The following PKIB variants were observed in gnomAD, a reference collection of about 807,000 sequenced individuals.
The protein encoded by PKIB is cAMP-dependent protein kinase inhibitor beta.
PKIB carries 2 observed loss-of-function variants against 4.5 expected under a neutral mutation model. The observed-to-expected ratio is 0.44, with a 90% CI of 0.18 to 1.39. The LOEUF is 1.39. Among genes scored for constraint, PKIB ranks in the 40% most tolerant of loss-of-function variants. The probability of loss-of-function intolerance (pLI) is 0.27; values close to 1 mark genes in which losing one functional copy is unlikely to be tolerated. For synonymous variants in PKIB, 38 were observed against 36.0 expected, an observed-to-expected ratio of 1.06 and a Z score of -0.20; for missense variants, 94 against 92.6, an observed-to-expected ratio of 1.02 and a Z score of -0.06.
upstream of PKIB, among the ~76,000 whole-genome samples, chr6:122,608,226 T>C (rs1465638225): frequency 6.6e-6 from 1 of 152,228 alleles, no homozygotes; most frequent in African/African-American, 2.4e-5. Context: ...TCCTCACTTA[T>C]TTTCCTATTT....
chr6:122,717,825 G>A lies in PKIB; in HGVS notation c.31G>A (p.Val11Met), dbSNP rs749486807. Reference sequence around the variant, plus strand: ...GACAGATTCATCAAAAATGACTGACGTGGAGTCTGGGGTCGCCAATTTTGC... The same window carrying A: ...GACAGATTCATCAAAAATGACTGACATGGAGTCTGGGGTCGCCAATTTTGC... MRTDSSKMTD[V>M]ESGVANFASS... The change falls in exon 4 of 5, where the codon GTG (valine) becomes ATG (methionine). Residue 11 changes from valine to methionine, a missense_variant. By Grantham distance (21) the Val-to-Met change is conservative. Transcript: ENST00000368452. 4.3e-6 allele frequency: 7 copies of A among 1,613,922 alleles called. No homozygotes were observed. Among genetic ancestry groups the A allele is most frequent in the African/African-American group, 4.0e-5 (3 of 74,910 alleles).
At chr6:122,500,025 AAC>A (rs1289377416) in intron 2 of PKIB, among the ~76,000 whole-genome samples, 18 of 152,330 alleles carry the variant, frequency 1.2e-4, no homozygotes, top group African/African-American at 4.3e-4. Context: ...AAAACTATGA[AAC>A]ACTGCTGAAA....
At chr6:122,574,252 G>A (rs1408580276) in intron 2 of PKIB, among the ~76,000 whole-genome samples, 1 of 152,088 alleles carries the variant, frequency 6.6e-6, no homozygotes, top group Non-Finnish European at 1.5e-5. Context: ...ACTGCTGAAG[G>A]AAATCATAGA....
chr6:122,517,506 T>G (rs542708798), intron 2 of PKIB, among the ~76,000 whole-genome samples: 2 of 152,288 alleles, frequency 1.3e-5, no homozygotes, highest in South Asian at 4.1e-4. Flanking sequence ...GGGAAAATAT[T>G]TTAGACTGCT....
intron 3 of PKIB, among the ~76,000 whole-genome samples, chr6:122,689,450 A>G (rs761631574): frequency 1.3e-5 from 2 of 151,872 alleles, no homozygotes; most frequent in Non-Finnish European, 2.9e-5. Context: ...AGGTTTTGGT[A>G]TGTTGTGTTT....
intron 2 of PKIB, among the ~76,000 whole-genome samples, chr6:122,661,824 A>C (rs2114914973): frequency 6.6e-6 from 1 of 152,288 alleles, no homozygotes; most frequent in South Asian, 2.1e-4. Flanking sequence ...GCAGTGACGA[A>C]GCCTTCCATT....
chr6:122,680,155 A>G (rs11154104), intron 3 of PKIB, among the ~76,000 whole-genome samples: 22,362 of 152,246 alleles, frequency 0.15, 2,264 homozygotes, highest in South Asian at 0.34. Context: ...ATTGGAGAAA[A>G]GGCATACAAA....
intron 2 of PKIB, among the ~76,000 whole-genome samples, chr6:122,580,235 G>T (rs893961345): frequency 6.6e-6 from 1 of 152,044 alleles, no homozygotes; most frequent in Non-Finnish European, 1.5e-5. Flanking sequence ...AATGTTTCAC[G>T]TGGAGTCTAA....
At chr6:122,491,028 GA>G (rs1249249377) in intron 2 of PKIB, among the ~76,000 whole-genome samples, 6 of 152,158 alleles carry the variant, frequency 3.9e-5, no homozygotes, top group African/African-American at 1.4e-4. Flanking sequence ...TAAAGGAGAA[GA>G]AGAGACTGAG....
chr6:122,566,186 A>G (rs1773185828), intron 2 of PKIB, among the ~76,000 whole-genome samples: 1 of 152,152 alleles, frequency 6.6e-6, no homozygotes, highest in Non-Finnish European at 1.5e-5. Flanking sequence ...GGGATGAGGA[A>G]AAGAAATAAA....
chr6:122,556,857 C>T (rs1772858026), intron 2 of PKIB, among the ~76,000 whole-genome samples: 1 of 152,180 alleles, frequency 6.6e-6, no homozygotes, highest in Non-Finnish European at 1.5e-5. Flanking sequence ...AAGTGTTTTG[C>T]ACCAAGCCAA....
At chr6:122,649,513 G>A (rs1776464255) in intron 2 of PKIB, among the ~76,000 whole-genome samples, 1 of 152,184 alleles carries the variant, frequency 6.6e-6, no homozygotes, top group South Asian at 2.1e-4. Context: ...CTGACTGGTA[G>A]AGAGAAGATA....
intron 2 of PKIB, among the ~76,000 whole-genome samples, chr6:122,541,361 C>G (rs1485893630): frequency 2.0e-5 from 3 of 151,764 alleles, no homozygotes; most frequent in African/African-American, 4.9e-5. Context: ...TTCAGGAGCT[C>G]TTTTAGGGCA....
intron 3 of PKIB, among the ~76,000 whole-genome samples, chr6:122,700,722 G>T (rs540044375): frequency 6.6e-6 from 1 of 152,138 alleles, no homozygotes; most frequent in Non-Finnish European, 1.5e-5. Flanking sequence ...TGAGTTTTTA[G>T]CTAGGTGAAA....
chr6:122,713,686 G>T (rs747245941), intron 3 of PKIB, among the ~76,000 whole-genome samples: 8 of 152,134 alleles, frequency 5.3e-5, no homozygotes, highest in Non-Finnish European at 1.2e-4. Flanking sequence ...TTCTGTGCTA[G>T]AATATCTGTT....
intron 2 of PKIB, among the ~76,000 whole-genome samples, chr6:122,568,600 T>C (rs1773262174): frequency 6.6e-6 from 1 of 152,200 alleles, no homozygotes; most frequent in Non-Finnish European, 1.5e-5. Flanking sequence ...AGAAAGCCAT[T>C]ACTGACTATA....
chr6:122,689,863 C>T lies in PKIB; in HGVS notation c.-9+14719C>T, dbSNP rs1404088936. The stretch of plus-strand genomic sequence containing the variant: ...GCTGCAAGTGGGATGTTGAAGTCTC[C>T]AGCTATTATTATGTTGGGAGTCTAT... On this transcript the variant is annotated intron_variant, in intron 3 of 4. Coordinates refer to ENST00000368452, the MANE Select transcript of PKIB (RefSeq NM_181795.3). Among the ~76,000 whole-genome samples the T allele has an allele frequency of 5.9e-5, 9 of 152,200 alleles. 1 individual carries two copies. The South Asian group carries it at 1.7e-3, about 28-fold the overall frequency.
chr6:122,571,391 A>C (rs772231148), intron 2 of PKIB, among the ~76,000 whole-genome samples: 4 of 152,248 alleles, frequency 2.6e-5, no homozygotes, highest in Non-Finnish European at 4.4e-5. Flanking sequence ...AAATACAAGA[A>C]GCTTAGATTC....
intron 3 of PKIB, among the ~76,000 whole-genome samples, chr6:122,704,927 G>A (rs1252143948): frequency 6.6e-6 from 1 of 152,092 alleles, no homozygotes. Context: ...GTGTGATGCT[G>A]CCCACCTGTA....
Sources: gnomAD v4.1 joint callset for allele counts (sites outside exome capture counted in the v4.1 genomes callset) on GRCh38, gnomAD v4.1.1 for gene constraint, MANE v1.5 for transcripts, NCBI Gene and HGNC (gene_info 2026-07-23, HGNC 2026-07-21) for gene names.